TRIM66: variants seen among roughly 807,000 people sequenced by gnomAD.
TRIM66 encodes tripartite motif-containing protein 66.
A neutral mutation model predicts 148.2 loss-of-function variants in TRIM66; 99 were observed. The observed-to-expected ratio is 0.67, with a 90% CI of 0.57 to 0.79. TRIM66 has a LOEUF of 0.79. Ranked by LOEUF, TRIM66 falls within the 30% of genes least tolerant of loss-of-function variation. The pLI, the probability that TRIM66 is intolerant of heterozygous loss-of-function variation, is 0.00. For missense variants in TRIM66, 1,666 were observed against 1,697.9 expected (o/e 0.98, Z 0.33); for synonymous variants, 616 against 635.9 (o/e 0.97, Z 0.47).
chr11:8,618,735 G>T lies in TRIM66; in HGVS notation c.4119+15C>A. ...ATCACCGCCCACCTGCTGCTGGCTG[G>T]CAGTAACTCTTTACCATATGTCGTC... On this transcript the variant is annotated intron_variant, in intron 24 of 24. Transcript: ENST00000646038. The T allele has an allele frequency of 6.5e-7, 1 of 1,547,186 alleles. No homozygotes were observed. Among genetic ancestry groups the T allele is most frequent in the South Asian group, 1.2e-5 (1 of 83,914 alleles).
At chr11:8,619,571 GGAGTGA>G in intron 22 of TRIM66, 36 bp from the exon 23 acceptor site, 1 of 1,488,488 alleles carries the variant, frequency 6.7e-7, no homozygotes, top group Non-Finnish European at 8.9e-7. Context: ...GGAGGCAAAG[GGAGTGA>G]GAGAAGAAAT....
intron 15 of TRIM66, among the ~76,000 whole-genome samples, chr11:8,625,771 CCTT>C (rs1261709258): frequency 6.6e-6 from 1 of 152,202 alleles, no homozygotes; most frequent in African/African-American, 2.4e-5. Context: ...CTGCCTCAGA[CCTT>C]CTTTGAGAGA....
Position 8,640,906 on chromosome 11 carries a change from T to A in TRIM66, c.1469A>T (p.His490Leu), listed in dbSNP as rs551342480. 87 of 1,550,050 alleles carry A rather than the reference T, an allele frequency of 5.6e-5. No individual in the cohort carries two copies. In the East Asian group the frequency reaches 1.8e-3, roughly 32 times the overall value. The change falls in exon 14 of 25, where the codon CAC becomes CTC. Residue 490 changes from histidine to leucine, a missense_variant. His to Leu is a moderately conservative substitution (Grantham distance 99). Coordinates refer to ENST00000646038, the MANE Select transcript of TRIM66 (RefSeq NM_001388022.1). ...CATCTCAGGGGGCTGCCTGAAGCTG[T>A]GGGCTGGGTGTATGCTGGGTGGGGG... The part of the protein sequence containing the change: ...QVPPPSIHPA[H>L]SFRQPPEMVP...
chr11:8,683,086 C>T (rs1395157119), upstream of TRIM66: 10 of 1,163,906 alleles, frequency 8.6e-6, no homozygotes, highest in Non-Finnish European at 1.3e-5. Context: ...TCAGCTTTCC[C>T]AAACGCTCCA....
intron 14 of TRIM66, 37 bp downstream of exon 14, chr11:8,640,190 G>A (rs897491949): frequency 3.3e-6 from 5 of 1,532,464 alleles, no homozygotes; most frequent in Non-Finnish European, 4.4e-6. Flanking sequence ...ATCCTACGAT[G>A]GGCAGAATAT....
At chr11:8,622,500 T>G (rs1191525119) in intron 18 of TRIM66, among the ~76,000 whole-genome samples, 2 of 151,196 alleles carry the variant, frequency 1.3e-5, no homozygotes, top group African/African-American at 2.4e-5. Flanking sequence ...TCCACCACAT[T>G]CTGTCCTCCT....
intron 6 of TRIM66, among the ~76,000 whole-genome samples, chr11:8,670,161 C>G (rs778342111): frequency 7.9e-5 from 12 of 151,942 alleles, no homozygotes; most frequent in Non-Finnish European, 8.8e-5. Context: ...TATAGGCACG[C>G]AACACCATGC....
intron 7 of TRIM66, 91 bp from the exon 8 acceptor site, chr11:8,649,978 AG>A: frequency 7.0e-7 from 1 of 1,428,052 alleles, no homozygotes; most frequent in Non-Finnish European, 9.4e-7. Flanking sequence ...GGGGTCCTGC[AG>A]GCCTATTCCT....
At chr11:8,632,027 G>A (rs1011364630) in intron 15 of TRIM66, among the ~76,000 whole-genome samples, 1 of 152,164 alleles carries the variant, frequency 6.6e-6, no homozygotes, top group Non-Finnish European at 1.5e-5. Context: ...AAGGAAACAA[G>A]AGAGAGGAAA....
intron 3 of TRIM66, among the ~76,000 whole-genome samples, chr11:8,675,825 G>A (rs146936826): frequency 0.057 from 8,653 of 151,360 alleles, 309 homozygotes; most frequent in Non-Finnish European, 0.074. Context: ...TGCAACCTCC[G>A]ACTCCCTGGT....
chr11:8,656,541 T>C (rs1410051820), intron 6 of TRIM66, among the ~76,000 whole-genome samples: 4 of 152,188 alleles, frequency 2.6e-5, no homozygotes, highest in African/African-American at 9.7e-5. Context: ...AGAGCAGCTC[T>C]GAAAACGGAG....
At chr11:8,632,024 CAA>C (rs1289217206) in intron 15 of TRIM66, among the ~76,000 whole-genome samples, 3 of 152,234 alleles carry the variant, frequency 2.0e-5, no homozygotes, top group African/African-American at 4.8e-5. Context: ...GCTAAGGAAA[CAA>C]GAGAGAGGAA....
At position 8,618,947 on chromosome 11, in the gene TRIM66, C is replaced by A; in HGVS notation, c.3922G>T (p.Ala1308Ser). 1 of 1,551,498 alleles carries A rather than the reference C, an allele frequency of 6.4e-7. No individual in the cohort carries two copies. Among genetic ancestry groups the A allele is most frequent in the East Asian group, 2.4e-5 (1 of 40,914 alleles). The change falls in exon 24 of 25, where the codon GCT (alanine) becomes TCT (serine). Residue 1308 changes from alanine (A) to serine (S), a missense_variant. Transcript: ENST00000646038. ...FNYPDSEVAE[A>S]GRCLEVFFEG... ...AAGAACACTTCCAGGCAGCGGCCAG[C>A]CTCTGCAACCTCGGAGTCAGGCTGA...
At chr11:8,619,328 T>G in intron 23 of TRIM66, 55 bp downstream of exon 23, 2 of 661,656 alleles carry the variant, frequency 3.0e-6, no homozygotes, top group Admixed American at 3.3e-5. Flanking sequence ...TACCCACCCA[T>G]GACAGTCCTG....
At position 8,615,456 on chromosome 11, in the gene TRIM66, A is replaced by G. The variant is rs1213603273; in HGVS notation, c.*2488T>C. 4 of 152,172 alleles carry G rather than the reference A, an allele frequency of 2.6e-5. No individual in the cohort carries two copies. The highest frequency in any genetic ancestry group is 1.9e-4 in the East Asian group (1 of 5,182). The allele number at this position is 152,172 out of a possible 1,614,324, so 9.4% of individuals were successfully genotyped here. On this transcript the variant is annotated 3_prime_UTR_variant, in exon 25 of 25. Coordinates refer to ENST00000646038, the MANE Select transcript of TRIM66 (RefSeq NM_001388022.1). The stretch of plus-strand genomic sequence containing the variant: ...ACTTCAAAACTGGGCCATTATGGGA[A>G]TAAGTCAAAAGCAGGATCAGCCCAA...
chr11:8,677,409 T>C (rs2039225549), intron 3 of TRIM66, among the ~76,000 whole-genome samples: 1 of 152,180 alleles, frequency 6.6e-6, no homozygotes, highest in African/African-American at 2.4e-5. Flanking sequence ...TGAATCTCAT[T>C]ATTTTTTCAT....
rs1359195762 is a variant in TRIM66 at position 8,625,055 on chromosome 11, G to C, written c.2484C>G (p.Ser828Arg). ...LLSAPPKMVS[S>R]LTSVQNQAMP... ...TGGCCTGGTTTTGAACACTTGTCAG[G>C]CTGGACACCATTTTGGGGGGAGCAC... Residue 828 changes from serine to arginine, a missense_variant, in exon 16 of 25, where the codon AGC becomes AGG. Around this residue, in one of 3 missense-constraint regions of TRIM66, gnomAD observed 1,431 missense variants for 1,412.4 expected, o/e 1.01. Coordinates refer to ENST00000646038, the MANE Select transcript of TRIM66 (RefSeq NM_001388022.1). The C allele has an allele frequency of 6.4e-7, 1 of 1,551,646 alleles. No homozygotes were observed. The highest frequency in any genetic ancestry group is 1.4e-5 in the African/African-American group (1 of 73,066).
intron 14 of TRIM66, among the ~76,000 whole-genome samples, chr11:8,639,100 T>C (rs944170470): frequency 3.3e-5 from 5 of 152,236 alleles, no homozygotes; most frequent in African/African-American, 1.2e-4. Flanking sequence ...ACATTTTAGC[T>C]TGTGGCCCTC....
intron 9 of TRIM66, 134 bp downstream of exon 9, chr11:8,648,281 GA>G: frequency 7.2e-7 from 1 of 1,395,174 alleles, no homozygotes; most frequent in East Asian, 2.5e-5. Context: ...CAGGAGCAGA[GA>G]AAAACTTCAG....
Sources: allele counts gnomAD v4.1 joint callset (sites outside exome capture counted in the v4.1 genomes callset), GRCh38; gene constraint gnomAD v4.1.1; regional missense constraint gnomAD v4.1.1; transcripts MANE v1.5; gene names NCBI Gene and HGNC (gene_info 2026-07-23, HGNC 2026-07-21).